AUTS2: variants seen among roughly 807,000 people sequenced by gnomAD.
AUTS2 encodes the protein autism susceptibility gene 2 protein.
In AUTS2, 17 loss-of-function variants were observed where a neutral mutation model predicts 112.4. That is an observed-to-expected ratio of 0.15 (90% CI 0.10 to 0.23). AUTS2 has a LOEUF of 0.23. Ranked by LOEUF, AUTS2 falls within the 10% of genes least tolerant of loss-of-function variation. The pLI is 1.00. For missense variants in AUTS2, 1,510 were observed against 1,701.6 expected, an observed-to-expected ratio of 0.89 and a Z score of 1.98; for synonymous variants, 751 against 702.7, an observed-to-expected ratio of 1.07 and a Z score of -1.09.
At chr7:70,636,765 G>A (rs750331426) in intron 5 of AUTS2, among the ~76,000 whole-genome samples, 1 of 151,362 alleles carries the variant, frequency 6.6e-6, no homozygotes, top group African/African-American at 2.4e-5. Context: ...TCCCACCTCA[G>A]CCTCCCCAAG....
chr7:69,920,920 T>TA lies in AUTS2; in HGVS notation c.522+21429dup, dbSNP rs538800089. ...GGGACAGTTTAAAGTAAATAAACTG[T>TA]AAAAAAATACTCTTGGAAAAGTTGG... On this transcript the variant is annotated intron_variant, in intron 2 of 18. Coordinates refer to ENST00000342771, the MANE Select transcript of AUTS2 (RefSeq NM_015570.4). 3.0e-3 allele frequency among the ~76,000 whole-genome samples: 453 copies of TA among 152,246 alleles called. 5 individuals are homozygous for TA. Among genetic ancestry groups the TA allele is most frequent in the African/African-American group, 0.01 (427 of 41,536 alleles).
intron 5 of AUTS2, among the ~76,000 whole-genome samples, chr7:70,556,316 T>C (rs1801248106): frequency 6.6e-6 from 1 of 152,202 alleles, no homozygotes; most frequent in Non-Finnish European, 1.5e-5. Flanking sequence ...ACCTCCAGCA[T>C]TGGCAATTAC....
At chr7:69,662,885 T>G (rs1242986618) in intron 1 of AUTS2, among the ~76,000 whole-genome samples, 1 of 152,188 alleles carries the variant, frequency 6.6e-6, no homozygotes, top group African/African-American at 2.4e-5. Context: ...AATATAAGAG[T>G]TGAAAATGTA....
intron 4 of AUTS2, among the ~76,000 whole-genome samples, chr7:70,248,025 G>T (rs1813017629): frequency 1.3e-5 from 2 of 152,116 alleles, no homozygotes; most frequent in Admixed American, 1.3e-4. Flanking sequence ...TACAGTAATT[G>T]ATTTTCCAAT....
intron 1 of AUTS2, among the ~76,000 whole-genome samples, chr7:69,783,047 C>T (rs1290431297): frequency 6.6e-6 from 1 of 150,630 alleles, no homozygotes; most frequent in Non-Finnish European, 1.5e-5. Flanking sequence ...GCCATGTGTG[C>T]AAGGTAATCC....
At chr7:69,944,837 T>C (rs1796749873) in intron 2 of AUTS2, among the ~76,000 whole-genome samples, 2 of 152,178 alleles carry the variant, frequency 1.3e-5, no homozygotes, top group African/African-American at 4.8e-5. Context: ...TTGGTAGGGA[T>C]GGGAGAGTTT....
chr7:69,886,763 TTG>T (rs3220664), intron 1 of AUTS2, among the ~76,000 whole-genome samples: 21,890 of 129,550 alleles, frequency 0.17, 1,638 homozygotes, highest in African/African-American at 0.2. Context: ...TTTGACTTCT[TTG>T]TGTGTGTGTG....
chr7:70,454,906 G>C (rs899134554), intron 5 of AUTS2, among the ~76,000 whole-genome samples: 1 of 152,184 alleles, frequency 6.6e-6, no homozygotes, highest in African/African-American at 2.4e-5. Context: ...AGTGCTTTGA[G>C]CTCTAGACCA....
intron 11 of AUTS2, among the ~76,000 whole-genome samples, chr7:70,773,171 T>TCTTTC: frequency 6.6e-6 from 1 of 151,976 alleles, no homozygotes; most frequent in Middle Eastern, 3.4e-3. Flanking sequence ...TTCATTCTTT[T>TCTTTC]CCCCCCCTTC....
chr7:69,965,080 A>C (rs1379456762), intron 2 of AUTS2, among the ~76,000 whole-genome samples: 3 of 151,916 alleles, frequency 2.0e-5, no homozygotes, highest in Non-Finnish European at 2.9e-5. Context: ...CTCTATCTGT[A>C]CTGTTATTAT....
At position 69,776,580 on chromosome 7, in the gene AUTS2, T is replaced by C. The variant is rs567694639; in HGVS notation, c.310-122706T>C. 9.2e-5 allele frequency among the ~76,000 whole-genome samples: 14 copies of C among 152,230 alleles called. No homozygotes were observed. The East Asian group carries it at 2.7e-3, about 29-fold the overall frequency. ...ACAGGTGCACGCCACCACACCCAGC[T>C]AATTAAATAAAAATATTTTGTAGAA... is the stretch of plus-strand genomic sequence containing the variant. On this transcript the variant is annotated intron_variant, in intron 1 of 18. Coordinates refer to ENST00000342771, the MANE Select transcript of AUTS2 (RefSeq NM_015570.4).
At chr7:70,076,807 T>C (rs1299652191) in intron 2 of AUTS2, among the ~76,000 whole-genome samples, 4 of 152,176 alleles carry the variant, frequency 2.6e-5, no homozygotes, top group Non-Finnish European at 5.9e-5. Flanking sequence ...GAATGTATCT[T>C]GACAGTACAA....
chr7:70,605,578 T>C (rs1803711001), intron 5 of AUTS2, among the ~76,000 whole-genome samples: 1 of 149,112 alleles, frequency 6.7e-6, no homozygotes, highest in African/African-American at 2.5e-5. Flanking sequence ...GTCTTTTCTT[T>C]CTCTTGTGTA....
intron 5 of AUTS2, among the ~76,000 whole-genome samples, chr7:70,614,875 G>C (rs1804274171): frequency 6.6e-6 from 1 of 152,220 alleles, no homozygotes. Flanking sequence ...CAGGGGCCCA[G>C]AGGCTGGCCG....
At chr7:70,717,794 T>G (rs528378578) in intron 6 of AUTS2, among the ~76,000 whole-genome samples, 1 of 152,318 alleles carries the variant, frequency 6.6e-6, no homozygotes, top group South Asian at 2.1e-4. Context: ...AGAGTATCAC[T>G]GTTAAGCCAC....
chr7:69,909,609 A>G (rs1281404776), intron 2 of AUTS2, among the ~76,000 whole-genome samples: 3 of 152,182 alleles, frequency 2.0e-5, no homozygotes, highest in African/African-American at 7.2e-5. Flanking sequence ...TTTCTTCATT[A>G]CCAGCAAAGC....
chr7:69,708,525 A>G (rs1308300014), intron 1 of AUTS2, among the ~76,000 whole-genome samples: 1 of 152,162 alleles, frequency 6.6e-6, no homozygotes, highest in Non-Finnish European at 1.5e-5. Flanking sequence ...TTCCAAGGAC[A>G]CAGAGATGTC....
chr7:70,193,822 G>T (rs150574299), intron 4 of AUTS2, among the ~76,000 whole-genome samples: 1 of 152,136 alleles, frequency 6.6e-6, no homozygotes, highest in African/African-American at 2.4e-5. Flanking sequence ...GTAACCTACT[G>T]TCAGTGTTAT....
intron 6 of AUTS2, among the ~76,000 whole-genome samples, chr7:70,722,684 C>A (rs1202121241): frequency 6.6e-6 from 1 of 152,198 alleles, no homozygotes; most frequent in Non-Finnish European, 1.5e-5. Context: ...TCCATTAAGT[C>A]ATTATGGTGT....
Sources: allele counts gnomAD v4.1 joint callset (sites outside exome capture counted in the v4.1 genomes callset), GRCh38; gene constraint gnomAD v4.1.1; transcripts MANE v1.5; gene names NCBI Gene and HGNC (gene_info 2026-07-23, HGNC 2026-07-21).